FBXL13: variants seen among roughly 807,000 people sequenced by gnomAD.
The protein encoded by FBXL13 is F-box and leucine-rich repeat protein 13.
A neutral mutation model predicts 83.6 loss-of-function variants in FBXL13; 67 were observed. The observed-to-expected ratio is 0.80, with a 90% CI of 0.66 to 0.98. The LOEUF is 0.98. FBXL13 is among the 50% of genes least tolerant of loss of function. The pLI is 0.00. For missense variants in FBXL13, 822 were observed against 866.5 expected (o/e 0.95, Z 0.64); for synonymous variants, 272 against 299.5 (o/e 0.91, Z 0.95).
intron 7 of FBXL13, 149 bp from the exon 9 acceptor site, chr7:102,963,814 T>C (rs1273116180): frequency 5.5e-6 from 4 of 723,634 alleles, no homozygotes; most frequent in African/African-American, 3.7e-5. Context: ...AGACAACCTA[T>C]AGAATGAGAG....
At chr7:102,962,974 A>C (rs1461881224) in intron 8 of FBXL13, among the ~76,000 whole-genome samples, 1 of 124,044 alleles carries the variant, frequency 8.1e-6, no homozygotes, top group Admixed American at 1.0e-4. Flanking sequence ...CTAAAACTTA[A>C]AGGATAATAA....
chr7:102,878,547 A>G (rs536496536), intron 14 of FBXL13, 97 bp from the exon 16 acceptor site: 2 of 773,530 alleles, frequency 2.6e-6, no homozygotes, highest in South Asian at 7.0e-5. Flanking sequence ...TATTTCTAAA[A>G]TAGCAAGGTA....
intron 10 of FBXL13, among the ~76,000 whole-genome samples, chr7:102,914,938 C>A (rs1815533019): frequency 6.6e-6 from 1 of 152,116 alleles, no homozygotes; most frequent in African/African-American, 2.4e-5. Flanking sequence ...GGTGTCATTT[C>A]TAGCAATCCT....
intron 2 of FBXL13, among the ~76,000 whole-genome samples, chr7:103,039,194 A>T (rs2129491397): frequency 6.6e-6 from 1 of 152,390 alleles, no homozygotes; most frequent in East Asian, 1.9e-4. Flanking sequence ...TCAATAGCTG[A>T]TTCCATCAAG....
rs1219112797 is a variant in FBXL13, at chr7:102,961,089, T to C, written c.724+2444A>G. Among the ~76,000 whole-genome samples, 307 of 147,118 alleles carry C rather than the reference T, an allele frequency of 2.1e-3. 1 individual carries two copies. The highest frequency in any genetic ancestry group is 3.5e-3 in the Non-Finnish European group (232 of 65,844). On this transcript the variant is annotated intron_variant, in intron 8 of 19. Transcript: ENST00000313221. ...ATGATTGTATATCTAGAAAACCCCATTGTCTCAGCCCAAAATCTCCTTAAG... is the reference window on the plus strand; with the variant it reads ...ATGATTGTATATCTAGAAAACCCCACTGTCTCAGCCCAAAATCTCCTTAAG...
At chr7:102,937,412 C>T (rs971613460) in intron 8 of FBXL13, among the ~76,000 whole-genome samples, 1 of 147,982 alleles carries the variant, frequency 6.8e-6, no homozygotes, top group African/African-American at 2.5e-5. Context: ...GAGGCTGAGC[C>T]ATGAGAATCG....
intron 8 of FBXL13, among the ~76,000 whole-genome samples, chr7:102,947,992 A>C (rs1307209625): frequency 6.6e-6 from 1 of 151,728 alleles, no homozygotes; most frequent in Non-Finnish European, 1.5e-5. Context: ...GGATCAATTC[A>C]TGTCTGTTTC....
intron 2 of FBXL13, among the ~76,000 whole-genome samples, chr7:103,031,960 C>A (rs1289701997): frequency 6.6e-6 from 1 of 152,154 alleles, no homozygotes; most frequent in African/African-American, 2.4e-5. Flanking sequence ...TGATTAGTCA[C>A]TATTATGACT....
intron 6 of FBXL13, among the ~76,000 whole-genome samples, chr7:102,969,518 T>C (rs1341673086): frequency 1.3e-5 from 2 of 150,010 alleles, no homozygotes; most frequent in South Asian, 4.2e-4. Flanking sequence ...GAGAGAGAAA[T>C]CCAGGATTAT....
chr7:102,924,262 A>G (rs1817638643), intron 10 of FBXL13, among the ~76,000 whole-genome samples: 1 of 151,830 alleles, frequency 6.6e-6, no homozygotes, highest in African/African-American at 2.4e-5. Context: ...AAAAAGTAAA[A>G]CTATGCTTAG....
chr7:103,051,630 C>G (rs189928309), intron 2 of FBXL13, among the ~76,000 whole-genome samples: 1 of 152,064 alleles, frequency 6.6e-6, no homozygotes, highest in African/African-American at 2.4e-5. Flanking sequence ...AAACTTTAGC[C>G]GAATTAAATT....
At chr7:102,994,600 C>G (rs1470888941) in intron 6 of FBXL13, among the ~76,000 whole-genome samples, 1 of 152,112 alleles carries the variant, frequency 6.6e-6, no homozygotes. Flanking sequence ...GAAGACAAAC[C>G]CTTCAGTGGA....
chr7:103,039,111 G>A (rs781763649), intron 2 of FBXL13, among the ~76,000 whole-genome samples: 11 of 152,170 alleles, frequency 7.2e-5, no homozygotes, highest in Non-Finnish European at 1.2e-4. Flanking sequence ...AATGAATAGT[G>A]TAGAGAAGAC....
intron 18 of FBXL13, among the ~76,000 whole-genome samples, chr7:102,828,976 C>G (rs1434242407): frequency 6.6e-6 from 1 of 152,158 alleles, no homozygotes; most frequent in Non-Finnish European, 1.5e-5. Flanking sequence ...ATAGAATGTG[C>G]TGGGGATGTA....
chr7:103,044,121 C>G (rs1394460763), intron 2 of FBXL13, among the ~76,000 whole-genome samples: 1 of 152,164 alleles, frequency 6.6e-6, no homozygotes, highest in Non-Finnish European at 1.5e-5. Context: ...CTAGATTTAA[C>G]TACCAGCTTG....
At chr7:103,054,303 T>C (rs1021672786) in intron 2 of FBXL13, among the ~76,000 whole-genome samples, 5 of 149,824 alleles carry the variant, frequency 3.3e-5, no homozygotes, top group Non-Finnish European at 7.4e-5. Flanking sequence ...GACAGGAGAA[T>C]CACTTGAACC....
chr7:103,052,536 G>A (rs1342526625), intron 2 of FBXL13, among the ~76,000 whole-genome samples: 5 of 152,036 alleles, frequency 3.3e-5, no homozygotes, highest in Non-Finnish European at 7.4e-5. Context: ...AGCAACCCTA[G>A]GACACTTGGA....
chr7:103,016,320 G>C lies in FBXL13; in HGVS notation c.495+8743C>G, dbSNP rs540162228. Among the ~76,000 whole-genome samples the C allele has an allele frequency of 1.3e-3, 189 of 150,544 alleles. 1 individual carries two copies. The highest frequency in any genetic ancestry group is 4.5e-3 in the African/African-American group (184 of 41,078). ...TTCCGTTACAAAAACAGAAATGTGG[G>C]GGGGGTGGGGGGAGGTTCCAAGATG... is the stretch of plus-strand genomic sequence containing the variant. On this transcript the variant is annotated intron_variant, in intron 6 of 19. Transcript: ENST00000313221.
At chr7:102,957,579 C>T (rs897184381) in intron 8 of FBXL13, among the ~76,000 whole-genome samples, 2 of 151,932 alleles carry the variant, frequency 1.3e-5, no homozygotes, top group Non-Finnish European at 2.9e-5. Flanking sequence ...AAAAAAACTG[C>T]CATCAGAGTG....
Sources: allele counts gnomAD v4.1 joint callset (sites outside exome capture counted in the v4.1 genomes callset), GRCh38; gene constraint gnomAD v4.1.1; transcripts MANE v1.5; gene names NCBI Gene and HGNC (gene_info 2026-07-23, HGNC 2026-07-21).